The following KCND2 variants were observed in gnomAD, a reference collection of about 807,000 sequenced individuals.
KCND2 encodes potassium voltage-gated channel subfamily D member 2.
KCND2 carries 16 observed loss-of-function variants against 54.4 expected under a neutral mutation model. The observed-to-expected ratio is 0.29, with a 90% CI of 0.20 to 0.45. The LOEUF is 0.45. Among genes scored for constraint, KCND2 ranks in the 20% least tolerant of loss-of-function variants. The pLI is 1.00. For missense variants in KCND2, 486 were observed against 824.2 expected, an observed-to-expected ratio of 0.59 and a Z score of 5.02; for synonymous variants, 317 against 310.7, an observed-to-expected ratio of 1.02 and a Z score of -0.21.
rs1793120406 is a variant in KCND2, at chr7:120,622,945, G to T, written c.1116-109958G>T. On this transcript the variant is annotated intron_variant, in intron 1 of 5. Coordinates refer to ENST00000331113, the MANE Select transcript of KCND2 (RefSeq NM_012281.3). ...CAAAGAAACATAAAGTAGACTTAAA[G>T]ATTTAAAAGGTTTTGCACTCAAATT... is the stretch of plus-strand genomic sequence containing the variant. 2.6e-5 allele frequency among the ~76,000 whole-genome samples: 4 copies of T among 152,090 alleles called. No individual in the cohort carries two copies. In the South Asian group the frequency reaches 8.3e-4, roughly 31 times the overall value.
chr7:120,559,482 A>C (rs1033844002), intron 1 of KCND2, among the ~76,000 whole-genome samples: 5 of 152,214 alleles, frequency 3.3e-5, no homozygotes, highest in African/African-American at 1.2e-4. Flanking sequence ...GAAAATGGAA[A>C]GGCAGAGACT....
At chr7:120,450,119 T>A (rs952474059) in intron 1 of KCND2, among the ~76,000 whole-genome samples, 6 of 152,132 alleles carry the variant, frequency 3.9e-5, no homozygotes, top group South Asian at 4.1e-4. Flanking sequence ...TCAGTAAAAA[T>A]TTACTGGTTT....
At position 120,273,784 on chromosome 7, in the gene KCND2, C is replaced by G. The variant is rs1055189001; in HGVS notation, c.-849C>G. On this transcript the variant is annotated 5_prime_UTR_variant, in exon 1 of 6. Coordinates refer to ENST00000331113, the MANE Select transcript of KCND2 (RefSeq NM_012281.3). ...GGCCAGGTATGTACCGCGGGAGCGG[C>G]GCGTTCTGCGCGGAAGCAGATGCTG... 1.3e-5 allele frequency: 2 copies of G among 152,802 alleles called. No individual in the cohort carries two copies. The highest frequency in any genetic ancestry group is 2.9e-5 in the Non-Finnish European group (2 of 68,190). The allele number at this position is 152,802 out of a possible 1,614,324, so 9.5% of individuals were successfully genotyped here. A position where few individuals can be genotyped will look rare whatever the true frequency, so the allele number is the denominator to read the frequency against.
chr7:120,540,903 G>A (rs1261751489), intron 1 of KCND2, among the ~76,000 whole-genome samples: 1 of 152,168 alleles, frequency 6.6e-6, no homozygotes, highest in African/African-American at 2.4e-5. Context: ...AGAGTGTAAT[G>A]TTAACTTACT....
intron 1 of KCND2, among the ~76,000 whole-genome samples, chr7:120,407,242 G>GT (rs915368998): frequency 1.8e-4 from 27 of 151,774 alleles, no homozygotes; most frequent in African/African-American, 4.3e-4. Flanking sequence ...AGGAAATACT[G>GT]TTTTTTTTGT....
At chr7:120,745,731 T>C in intron 4 of KCND2, 49 bp from the exon 5 acceptor site, 1 of 1,609,462 alleles carries the variant, frequency 6.2e-7, no homozygotes, top group Non-Finnish European at 8.5e-7. Context: ...TATTTCGTTT[T>C]TAAAAATGTG....
intron 2 of KCND2, among the ~76,000 whole-genome samples, chr7:120,737,629 C>G (rs1792891466): frequency 6.6e-6 from 1 of 151,998 alleles, no homozygotes; most frequent in Non-Finnish European, 1.5e-5. Context: ...ATTTCTAGCA[C>G]AGCTATTTTT....
chr7:120,611,484 T>A (rs1055262277), intron 1 of KCND2, among the ~76,000 whole-genome samples: 1 of 152,076 alleles, frequency 6.6e-6, no homozygotes, highest in Non-Finnish European at 1.5e-5. Flanking sequence ...TGTCAGAATG[T>A]GAGTGGTTTT....
At chr7:120,671,362 G>A (rs541180635) in intron 1 of KCND2, among the ~76,000 whole-genome samples, 20 of 152,120 alleles carry the variant, frequency 1.3e-4, no homozygotes, top group Admixed American at 2.0e-4. Flanking sequence ...AGGAGGTGGA[G>A]CTCAGGCAGT....
intron 1 of KCND2, among the ~76,000 whole-genome samples, chr7:120,686,462 C>T (rs1792202828): frequency 6.6e-6 from 1 of 152,184 alleles, no homozygotes; most frequent in South Asian, 2.1e-4. Context: ...GCAGCGACCT[C>T]AGTTCTTGCC....
Position 120,283,540 on chromosome 7 carries a change from T to C in KCND2, c.1115+7793T>C, listed in dbSNP as rs1799296763. Among the ~76,000 whole-genome samples the C allele has an allele frequency of 2.6e-5, 4 of 152,248 alleles. No individual in the cohort carries two copies. In the South Asian group the frequency reaches 6.2e-4, roughly 24 times the overall value. ...TTCAGGAGATTATCTAAAAAATGAGTATTTTCTAATACATAAGTAAATTGT... is the reference window on the plus strand; with the variant it reads ...TTCAGGAGATTATCTAAAAAATGAGCATTTTCTAATACATAAGTAAATTGT... On this transcript the variant is annotated intron_variant, in intron 1 of 5. Coordinates refer to ENST00000331113, the MANE Select transcript of KCND2 (RefSeq NM_012281.3).
At chr7:120,366,851 G>A (rs533113809) in intron 1 of KCND2, among the ~76,000 whole-genome samples, 7 of 152,172 alleles carry the variant, frequency 4.6e-5, no homozygotes, top group African/African-American at 1.4e-4. Flanking sequence ...ACCAACTTTT[G>A]TGTCACTTTT....
At chr7:120,317,338 T>C (rs1233835458) in intron 1 of KCND2, among the ~76,000 whole-genome samples, 1 of 152,214 alleles carries the variant, frequency 6.6e-6, no homozygotes, top group Non-Finnish European at 1.5e-5. Flanking sequence ...AGGTAATTTT[T>C]GTATTAATAT....
In KCND2 at chr7:120,452,130, G is replaced by A. The variant is rs1358708482; in HGVS notation, c.1115+176383G>A. 4.6e-5 allele frequency among the ~76,000 whole-genome samples: 7 copies of A among 152,280 alleles called. No homozygotes were observed. In the South Asian group the frequency reaches 8.3e-4, roughly 18 times the overall value. On this transcript the variant is annotated intron_variant, in intron 1 of 5. Coordinates refer to ENST00000331113, the MANE Select transcript of KCND2 (RefSeq NM_012281.3). ...ATGAGAATATAATGGAAACATAATT[G>A]AACTGCATAAAGTTTTAAAATTGAA...
At chr7:120,601,012 C>T (rs529568151) in intron 1 of KCND2, among the ~76,000 whole-genome samples, 6 of 152,120 alleles carry the variant, frequency 3.9e-5, no homozygotes, top group African/African-American at 1.4e-4. Flanking sequence ...CACTCTTTAT[C>T]TGATGAGTCA....
chr7:120,585,322 A>C (rs927368956), intron 1 of KCND2, among the ~76,000 whole-genome samples: 2 of 152,092 alleles, frequency 1.3e-5, no homozygotes, highest in African/African-American at 4.8e-5. Flanking sequence ...TGGGGGGTGG[A>C]GTGTGGGACA....
At chr7:120,681,283 G>A (rs969539757) in intron 1 of KCND2, among the ~76,000 whole-genome samples, 1 of 151,930 alleles carries the variant, frequency 6.6e-6, no homozygotes, top group African/African-American at 2.4e-5. Context: ...CACTAGCTAG[G>A]GGTATGGGGG....
Position 120,433,944 on chromosome 7 carries a change from G to A in KCND2, c.1115+158197G>A, listed in dbSNP as rs548641922. Among the ~76,000 whole-genome samples, 25 of 152,174 alleles carry A rather than the reference G, an allele frequency of 1.6e-4. 1 individual carries two copies. The highest frequency in any genetic ancestry group is 5.1e-4 in the African/African-American group (21 of 41,522). ...TCATACTATTCACTCACTACCGAGG[G>A]AATAGCATGTCTTAAATCTTTGTAC... On this transcript the variant is annotated intron_variant, in intron 1 of 5. Coordinates refer to ENST00000331113, the MANE Select transcript of KCND2 (RefSeq NM_012281.3).
intron 1 of KCND2, among the ~76,000 whole-genome samples, chr7:120,326,978 T>A (rs576936766): frequency 3.9e-5 from 6 of 152,206 alleles, no homozygotes; most frequent in African/African-American, 1.4e-4. Flanking sequence ...AATACATCAA[T>A]AAATATTTAT....
Sources: allele counts gnomAD v4.1 joint callset (sites outside exome capture counted in the v4.1 genomes callset), GRCh38; gene constraint gnomAD v4.1.1; transcripts MANE v1.5; gene names NCBI Gene and HGNC (gene_info 2026-07-23, HGNC 2026-07-21).